Variants in ALOX5 observed in about 807,000 individuals in gnomAD.
ALOX5 encodes the protein arachidonate 5-lipoxygenase.
ALOX5 carries 64 observed loss-of-function variants against 87.9 expected under a neutral mutation model. The ratio of observed to expected loss-of-function variants is 0.73; its 90% confidence interval spans 0.60 to 0.90. ALOX5 has a LOEUF of 0.90. ALOX5 is among the 40% of genes least tolerant of loss of function. The pLI is 0.00. For synonymous variants in ALOX5, 388 were observed against 355.1 expected (o/e 1.09, Z -1.04); for missense variants, 822 against 907.5 (o/e 0.91, Z 1.21).
chr10:45,437,003 A>G (rs1273205914), intron 7 of ALOX5, among the ~76,000 whole-genome samples: 1 of 152,188 alleles, frequency 6.6e-6, no homozygotes, highest in Non-Finnish European at 1.5e-5. Flanking sequence ...TGAGATCACC[A>G]CGTTCCTGAT....
chr10:45,428,408 C>G (rs1297608142), intron 6 of ALOX5: 14 of 592,330 alleles, frequency 2.4e-5, no homozygotes, highest in Non-Finnish European at 3.5e-5. Flanking sequence ...TGCTGCCATT[C>G]CTTCATCTTA....
intron 4 of ALOX5, among the ~76,000 whole-genome samples, chr10:45,413,568 A>G (rs905293811): frequency 6.6e-6 from 1 of 152,234 alleles, no homozygotes; most frequent in Non-Finnish European, 1.5e-5. Context: ...CTCCTATTCA[A>G]CATAGTGTTG....
intron 1 of ALOX5, 32 bp from the exon 2 acceptor site, chr10:45,382,451 C>A (rs28395865): frequency 6.2e-7 from 1 of 1,612,068 alleles, no homozygotes; most frequent in Admixed American, 1.7e-5. Context: ...CAGGAGACCA[C>A]GCATGGCCTG....
At chr10:45,383,243 G>A (rs983218969) in intron 2 of ALOX5, among the ~76,000 whole-genome samples, 1 of 152,256 alleles carries the variant, frequency 6.6e-6, no homozygotes, top group Non-Finnish European at 1.5e-5. Flanking sequence ...AAAGAAAGAA[G>A]AACCTCAAAT....
intron 4 of ALOX5, among the ~76,000 whole-genome samples, chr10:45,418,076 C>T (rs1019892685): frequency 6.6e-6 from 1 of 152,224 alleles, no homozygotes; most frequent in Non-Finnish European, 1.5e-5. Context: ...CCCTTCTGCC[C>T]CTCCTGGCCC....
At chr10:45,408,513 T>C (rs1005097864) in intron 3 of ALOX5, among the ~76,000 whole-genome samples, 1 of 152,244 alleles carries the variant, frequency 6.6e-6, no homozygotes, top group African/African-American at 2.4e-5. Flanking sequence ...ATCATGCAGA[T>C]GAAGCCTCCA....
intron 4 of ALOX5, among the ~76,000 whole-genome samples, chr10:45,422,844 T>C (rs976492274): frequency 6.6e-6 from 1 of 152,060 alleles, no homozygotes; most frequent in Non-Finnish European, 1.5e-5. Context: ...AGGCTAGAAG[T>C]CCAAGATTAG....
At position 45,400,601 on chromosome 10, in the gene ALOX5, AAAAAG is replaced by A. The variant is rs571294200; in HGVS notation, c.431+4684_431+4688del. Reference sequence around the variant, plus strand: ...GTGACAGAGCAAGACTCCATTTCAAAAAAAGAAAAGAAAAGAAAAGAAATGAACTA... The same window carrying A: ...GTGACAGAGCAAGACTCCATTTCAAAAAAAGAAAAGAAAAGAAATGAACTA... On this transcript the variant is annotated intron_variant, in intron 3 of 13. Coordinates refer to ENST00000374391, the MANE Select transcript of ALOX5 (RefSeq NM_000698.5). Among the ~76,000 whole-genome samples the A allele has an allele frequency of 3.6e-3, 541 of 152,314 alleles. 4 individuals are homozygous for A. The highest frequency in any genetic ancestry group is 0.012 in the African/African-American group (494 of 41,550).
At chr10:45,435,858 C>G (rs1842047385) in intron 7 of ALOX5, among the ~76,000 whole-genome samples, 1 of 152,202 alleles carries the variant, frequency 6.6e-6, no homozygotes, top group African/African-American at 2.4e-5. Flanking sequence ...AATCTCCAAA[C>G]TGCTTTCCAC....
At chr10:45,431,392 C>T (rs541614589) in intron 7 of ALOX5, among the ~76,000 whole-genome samples, 9 of 151,830 alleles carry the variant, frequency 5.9e-5, no homozygotes, top group African/African-American at 2.2e-4. Flanking sequence ...CTATGGTAGA[C>T]CTAGAAAACA....
intron 2 of ALOX5, among the ~76,000 whole-genome samples, chr10:45,392,528 T>C (rs1365516307): frequency 1.3e-5 from 2 of 151,682 alleles, no homozygotes; most frequent in African/African-American, 4.9e-5. Flanking sequence ...TTAAGAGTCA[T>C]CACCACTCCC....
intron 4 of ALOX5, among the ~76,000 whole-genome samples, chr10:45,413,234 C>G (rs923178050): frequency 6.6e-6 from 1 of 152,158 alleles, no homozygotes; most frequent in East Asian, 1.9e-4. Context: ...CATCAGAAAG[C>G]TTATCCACCA....
At chr10:45,376,604 A>G (rs1839622256) in intron 1 of ALOX5, among the ~76,000 whole-genome samples, 1 of 152,228 alleles carries the variant, frequency 6.6e-6, no homozygotes, top group South Asian at 2.1e-4. Flanking sequence ...AAGTGTTAAA[A>G]TCTGTATTGT....
chr10:45,418,421 T>C (rs1434271480), intron 4 of ALOX5, among the ~76,000 whole-genome samples: 1 of 152,078 alleles, frequency 6.6e-6, no homozygotes, highest in East Asian at 1.9e-4. Flanking sequence ...CATCAGCCCC[T>C]CAGGGAAGTT....
intron 3 of ALOX5, among the ~76,000 whole-genome samples, chr10:45,409,959 A>G (rs1463314034): frequency 6.6e-6 from 1 of 152,264 alleles, no homozygotes; most frequent in Non-Finnish European, 1.5e-5. Flanking sequence ...GCCACCCTCC[A>G]TAGACCAGGG....
intron 4 of ALOX5, among the ~76,000 whole-genome samples, chr10:45,418,693 G>A (rs1339224515): frequency 1.3e-5 from 2 of 152,192 alleles, no homozygotes. Flanking sequence ...GGGCTGCAGC[G>A]GAGAGAGACT....
intron 3 of ALOX5, among the ~76,000 whole-genome samples, chr10:45,404,302 G>A (rs890647880): frequency 6.6e-6 from 1 of 152,212 alleles, no homozygotes; most frequent in Non-Finnish European, 1.5e-5. Context: ...TTCCAGATCA[G>A]AGTTTGGAAG....
chr10:45,441,207 C>G, intron 8 of ALOX5, 137 bp from the exon 9 acceptor site: 1 of 715,864 alleles, frequency 1.4e-6, no homozygotes, highest in East Asian at 2.5e-5. Context: ...GCAGAAAGAT[C>G]AGCACCCAGC....
In ALOX5 at chr10:45,383,450, A is replaced by G. The variant is rs74128482; in HGVS notation, c.349+769A>G. On this transcript the variant is annotated intron_variant, in intron 2 of 13. Transcript: ENST00000374391. ...GCAAAATCCTACCTCACTTCGAGTC[A>G]TAACCCTTCAGCTTGCTCTCAGTTT... Among the ~76,000 whole-genome samples, 514 of 152,328 alleles carry G rather than the reference A, an allele frequency of 3.4e-3. 3 individuals carry two copies. Among genetic ancestry groups the G allele is most frequent in the African/African-American group, 0.012 (488 of 41,580 alleles).
Sources: allele counts gnomAD v4.1 joint callset (sites outside exome capture counted in the v4.1 genomes callset), GRCh38; gene constraint gnomAD v4.1.1; transcripts MANE v1.5; gene names NCBI Gene and HGNC (gene_info 2026-07-23, HGNC 2026-07-21).